The following ZNF761 variants were observed in gnomAD, a reference collection of about 807,000 sequenced individuals.
ZNF761 encodes the protein zinc finger protein 761.
ZNF761 carries 43 observed loss-of-function variants against 59.9 expected under a neutral mutation model. The observed-to-expected ratio is 0.72, with a 90% CI of 0.56 to 0.92. ZNF761 has a LOEUF of 0.92. Among genes scored for constraint, ZNF761 ranks in the 40% least tolerant of loss-of-function variants. ZNF761 has a pLI of 0.00. For missense variants in ZNF761, 850 were observed against 906.1 expected (o/e 0.94, Z 0.79); for synonymous variants, 294 against 304.8 (o/e 0.96, Z 0.37).
intron 4 of ZNF761, chr19:53,450,240 T>C (rs1600095976): frequency 5.9e-6 from 1 of 170,046 alleles, no homozygotes; most frequent in Non-Finnish European, 1.2e-5. Context: ...GAATCGGAGG[T>C]TGCAGTGAGC....
chr19:53,451,190 T>A (rs1487269359), intron 4 of ZNF761, among the ~76,000 whole-genome samples: 2 of 152,210 alleles, frequency 1.3e-5, no homozygotes, highest in Non-Finnish European at 2.9e-5. Flanking sequence ...TTATGTGTCC[T>A]TTTATTTGCC....
At chr19:53,432,828 T>G (rs1305028382) in intron 1 of ZNF761, among the ~76,000 whole-genome samples, 1 of 151,598 alleles carries the variant, frequency 6.6e-6, no homozygotes, top group African/African-American at 2.4e-5. Context: ...GAAAAGCAAG[T>G]GCAGAAATGT....
At position 53,451,823 on chromosome 19, in the gene ZNF761, G is replaced by A. The variant is rs1197421758; in HGVS notation, c.142+2185G>A. Among the ~76,000 whole-genome samples, 11 of 149,234 alleles carry A rather than the reference G, an allele frequency of 7.4e-5. No individual in the cohort carries two copies. In the East Asian group the frequency reaches 1.6e-3, roughly 22 times the overall value. On this transcript the variant is annotated intron_variant, in intron 4 of 4. Transcript: ENST00000684525. ...AGGATGGTCTCGATCTCCTGACCTC[G>A]TGATCCTCCTGCCTCAGCCTCCCAA... is the stretch of plus-strand genomic sequence containing the variant.
intron 1 of ZNF761, chr19:53,441,714 C>T: frequency 1.7e-6 from 1 of 604,866 alleles, no homozygotes. Flanking sequence ...CCCCAAAGTG[C>T]TGGGATTACA....
At position 53,442,465 on chromosome 19, in the gene ZNF761, A is replaced by G; in HGVS notation, c.-184-3762A>G. ...GATAATCTCAAGGAGGCAGAGACCC[A>G]TGCTGAGTTGGCTGAGAGATCAGTA... On this transcript the variant is annotated intron_variant, in intron 1 of 4. Coordinates refer to ENST00000684525, the MANE Select transcript of ZNF761 (RefSeq NM_001289951.2). 3.9e-6 allele frequency: 3 copies of G among 767,026 alleles called. No individual in the cohort carries two copies. In the South Asian group the frequency reaches 4.1e-5, roughly 10 times the overall value. 47.5% of individuals were successfully genotyped at this position (767,026 alleles called of 1,614,324 possible).
At chr19:53,432,249 A>T (rs2085978406) in intron 1 of ZNF761, among the ~76,000 whole-genome samples, 1 of 152,024 alleles carries the variant, frequency 6.6e-6, no homozygotes. Flanking sequence ...AGGGCAATGT[A>T]TACACTTTCT....
chr19:53,451,761 T>C (rs2086224226), intron 4 of ZNF761, among the ~76,000 whole-genome samples: 1 of 151,086 alleles, frequency 6.6e-6, no homozygotes, highest in African/African-American at 2.4e-5. Flanking sequence ...TTTTTTTTTT[T>C]TTTTTTTTTT....
chr19:53,432,528 G>A (rs11881149), intron 1 of ZNF761, among the ~76,000 whole-genome samples: 28,226 of 151,972 alleles, frequency 0.19, 2,984 homozygotes, highest in East Asian at 0.35. Context: ...CGCTTCCCCT[G>A]AGCCCGCGTT....
intron 4 of ZNF761, chr19:53,450,493 T>C (rs946209327): frequency 6.6e-6 from 1 of 152,180 alleles, no homozygotes; most frequent in Non-Finnish European, 1.5e-5. Flanking sequence ...TTTTGTTACA[T>C]ATTATCTGTG....
At chr19:53,449,957 A>G (rs2086202577) in intron 4 of ZNF761, 2 of 514,040 alleles carry the variant, frequency 3.9e-6, no homozygotes, top group Non-Finnish European at 6.6e-6. Context: ...CAAGTAGCTG[A>G]GATTACAGGT....
rs2086258517 is a variant in ZNF761, at chr19:53,455,431, T to C, written c.924T>C (p.His308=). The change falls in exon 5 of 5, where the codon CAT becomes CAC. Residue 308 remains histidine, a synonymous_variant. Transcript: ENST00000684525. ...YKCEECDKAF[H]FKSILERHRI... ...GTGAAGAATGTGACAAAGCTTTCCATTTCAAATCAATACTTGAAAGACATA... is the reference window on the plus strand; with the variant it reads ...GTGAAGAATGTGACAAAGCTTTCCACTTCAAATCAATACTTGAAAGACATA... 6.2e-7 allele frequency: 1 copy of C among 1,613,352 alleles called. No individual in the cohort carries two copies. Among genetic ancestry groups the C allele is most frequent in the Admixed American group, 1.7e-5 (1 of 59,946 alleles).
At chr19:53,441,053 G>T (rs2086094249) in intron 1 of ZNF761, among the ~76,000 whole-genome samples, 1 of 152,174 alleles carries the variant, frequency 6.6e-6, no homozygotes, top group Non-Finnish European at 1.5e-5. Context: ...AGACAGAGGC[G>T]AGTGGGTCAC....
At chr19:53,437,567 G>C (rs11880076) in intron 1 of ZNF761, among the ~76,000 whole-genome samples, 9,225 of 152,140 alleles carry the variant, frequency 0.061, 446 homozygotes, top group African/African-American at 0.14. Flanking sequence ...CATAGCTAAG[G>C]CTTCCTCTTT....
chr19:53,439,941 G>T (rs2086081318), intron 1 of ZNF761, among the ~76,000 whole-genome samples: 1 of 152,112 alleles, frequency 6.6e-6, no homozygotes, highest in Admixed American at 6.5e-5. Flanking sequence ...CAGGTGGGTT[G>T]TCCTCAGCCT....
At chr19:53,451,743 C>T (rs1037691889) in intron 4 of ZNF761, among the ~76,000 whole-genome samples, 9 of 149,630 alleles carry the variant, frequency 6.0e-5, no homozygotes, top group East Asian at 2.0e-4. Flanking sequence ...CCACCACACC[C>T]GGCTAATTTT....
At position 53,455,113 on chromosome 19, in the gene ZNF761, C is replaced by G; in HGVS notation, c.606C>G (p.Leu202=). The G allele has an allele frequency of 4.3e-6, 7 of 1,613,946 alleles. No homozygotes were observed. The highest frequency in any genetic ancestry group is 5.9e-6 in the Non-Finnish European group (7 of 1,180,024). ...HGNNFWNSSL[L]TQKQEVHMRE... is the part of the protein sequence containing the mutation. ...ATAATTTCTGGAATTCTTCATTACT[C>G]ACACAAAAACAGGAAGTACACATGA... Residue 202 remains leucine (L), a synonymous_variant, in exon 5 of 5, where the codon CTC becomes CTG. Coordinates refer to ENST00000684525, the MANE Select transcript of ZNF761 (RefSeq NM_001289951.2).
At chr19:53,432,092 G>C (rs1428101733) in intron 1 of ZNF761, 64 bp downstream of exon 1, 1 of 152,282 alleles carries the variant, frequency 6.6e-6, no homozygotes, top group Non-Finnish European at 1.5e-5. Flanking sequence ...CTGTACCTGG[G>C]ACTTGGGATC....
At chr19:53,451,093 A>C (rs2086217962) in intron 4 of ZNF761, among the ~76,000 whole-genome samples, 1 of 152,088 alleles carries the variant, frequency 6.6e-6, no homozygotes, top group Admixed American at 6.6e-5. Context: ...ACTTTCATCA[A>C]CCTATATGGA....
At chr19:53,453,431 T>C (rs1198530775) in intron 4 of ZNF761, among the ~76,000 whole-genome samples, 4 of 152,208 alleles carry the variant, frequency 2.6e-5, no homozygotes, top group African/African-American at 9.7e-5. Flanking sequence ...CTTAATGGAA[T>C]TGTTTAGAAT....
Sources: allele counts gnomAD v4.1 joint callset (sites outside exome capture counted in the v4.1 genomes callset), GRCh38; gene constraint gnomAD v4.1.1; transcripts MANE v1.5; gene names NCBI Gene and HGNC (gene_info 2026-07-23, HGNC 2026-07-21).